Variants in PCDH7 observed in about 807,000 individuals in gnomAD.
PCDH7 encodes the protein protocadherin-7.
A neutral mutation model predicts 58.9 loss-of-function variants in PCDH7; 17 were observed. The ratio of observed to expected loss-of-function variants is 0.29; its 90% CI spans 0.20 to 0.43. The LOEUF (loss-of-function observed/expected upper bound fraction) is 0.43, where lower values mean the gene tolerates loss of function less well. Ranked by LOEUF, PCDH7 falls within the 20% of genes least tolerant of loss-of-function variation. The pLI, the probability that PCDH7 is intolerant of heterozygous loss-of-function variation, is 1.00. For missense variants in PCDH7, 1,274 were observed against 1,441.0 expected, an observed-to-expected ratio of 0.88 and a Z score of 1.88; for synonymous variants, 664 against 616.4, an observed-to-expected ratio of 1.08 and a Z score of -1.14.
At chr4:30,750,026 T>C (rs908290971) in intron 1 of PCDH7, among the ~76,000 whole-genome samples, 3 of 152,140 alleles carry the variant, frequency 2.0e-5, no homozygotes, top group Non-Finnish European at 4.4e-5. Flanking sequence ...GGTATTTATA[T>C]CTAGTGGGTA....
chr4:31,121,384 G>A (rs561400999), intron 3 of PCDH7, among the ~76,000 whole-genome samples: 1 of 152,264 alleles, frequency 6.6e-6, no homozygotes, highest in South Asian at 2.1e-4. Context: ...TAACTGTAGA[G>A]ATACAAATTA....
chr4:31,023,352 C>T (rs1754179077), intron 3 of PCDH7, among the ~76,000 whole-genome samples: 1 of 152,144 alleles, frequency 6.6e-6, no homozygotes, highest in Non-Finnish European at 1.5e-5. Context: ...TTATATTTCA[C>T]TATCCCTATT....
rs752130916 is a variant in PCDH7, at chr4:30,722,538, G to T, written c.1116G>T (p.Arg372=). 7.4e-6 allele frequency: 12 copies of T among 1,612,114 alleles called. 1 individual carries two copies. Among genetic ancestry groups the T allele is most frequent in the East Asian group, 2.2e-5 (1 of 44,842 alleles). The change falls in exon 1 of 2, where the codon CGG becomes CGT. Residue 372 remains arginine, a synonymous_variant. Transcript: ENST00000361762. The surrounding 1 kb of genome is among the most constrained non-coding windows in gnomAD (Gnocchi z 7.6). ...CCGGCTGGCTCAGCGTCCTGCACCG[G>T]ATCGACCGCGAGGAGGTGAACCAGC...
chr4:31,048,911 G>T lies in PCDH7; in HGVS notation c.*8-93562G>T, dbSNP rs140943069. ...GACAAATTGCCCTTTGAGAATAAAA[G>T]TATAGTCAGGACAAAGACAAATATG... On this transcript the variant is annotated intron_variant, in intron 3 of 3. Transcript: ENST00000509759. Among the ~76,000 whole-genome samples the T allele has an allele frequency of 3.3e-5, 5 of 152,170 alleles. No homozygotes were observed. The East Asian group carries it at 5.8e-4, about 18-fold the overall frequency.
In PCDH7 at chr4:30,857,577, G is replaced by C. The variant is rs370538939; in HGVS notation, c.71-62576G>C. Among the ~76,000 whole-genome samples the C allele has an allele frequency of 4.6e-5, 7 of 152,088 alleles. No homozygotes were observed. In the East Asian group the frequency reaches 1.4e-3, roughly 29 times the overall value. ...TTCTGAGGATCTTAGTTCTTGGAAT[G>C]TTAGAATTGGAGCCCAGACTCCTCA... On this transcript the variant is annotated intron_variant, in intron 1 of 3. Coordinates refer to the PCDH7 transcript ENST00000509759.
chr4:31,039,222 T>C (rs928050116), intron 3 of PCDH7, among the ~76,000 whole-genome samples: 2 of 152,190 alleles, frequency 1.3e-5, no homozygotes, highest in African/African-American at 4.8e-5. Context: ...TTTGTGACAG[T>C]GTTAGGATAT....
At chr4:31,105,107 G>A (rs796164663) in intron 3 of PCDH7, among the ~76,000 whole-genome samples, 5 of 152,248 alleles carry the variant, frequency 3.3e-5, no homozygotes, top group African/African-American at 4.8e-5. Flanking sequence ...AAAGTTCCTC[G>A]TTGAAAATAT....
intron 1 of PCDH7, among the ~76,000 whole-genome samples, chr4:30,861,057 G>C (rs1290048624): frequency 6.6e-6 from 1 of 152,248 alleles, no homozygotes; most frequent in South Asian, 2.1e-4. Context: ...TAGCTACTTG[G>C]CAATTAAGAA....
At chr4:30,725,321 G>T in intron 1 of PCDH7, 1 of 985,360 alleles carries the variant, frequency 1.0e-6, no homozygotes. Flanking sequence ...AAAATACATT[G>T]CATGAGCCAT....
downstream of PCDH7, among the ~76,000 whole-genome samples, chr4:30,736,576 C>A (rs1255270626): frequency 2.0e-5 from 3 of 148,770 alleles, no homozygotes; most frequent in Non-Finnish European, 3.0e-5. Context: ...CGCTCTGCCG[C>A]CGGGGCTGGA....
intron 1 of PCDH7, among the ~76,000 whole-genome samples, chr4:30,799,562 T>C (rs954829706): frequency 3.9e-5 from 6 of 152,334 alleles, no homozygotes; most frequent in African/African-American, 1.2e-4. Flanking sequence ...ATGTACTTTA[T>C]CATGTACTTT....
chr4:30,926,648 G>A (rs1743914355), intron 2 of PCDH7, among the ~76,000 whole-genome samples: 1 of 152,102 alleles, frequency 6.6e-6, no homozygotes, highest in African/African-American at 2.4e-5. Context: ...CCATAGGGTA[G>A]TACTCATGAC....
intron 3 of PCDH7, among the ~76,000 whole-genome samples, chr4:31,031,657 AC>A (rs1754926686): frequency 6.6e-6 from 1 of 151,960 alleles, no homozygotes; most frequent in Non-Finnish European, 1.5e-5. Context: ...AAAGAAAAAA[AC>A]TTTTATTATT....
chr4:30,992,954 A>G (rs1337171599), intron 3 of PCDH7, among the ~76,000 whole-genome samples: 1 of 151,910 alleles, frequency 6.6e-6, no homozygotes, highest in East Asian at 1.9e-4. Flanking sequence ...GCCCACCACC[A>G]TGCCTGGCTA....
intron 1 of PCDH7, among the ~76,000 whole-genome samples, chr4:30,857,338 A>G (rs549090636): frequency 6.6e-6 from 1 of 152,236 alleles, no homozygotes; most frequent in Admixed American, 6.5e-5. Context: ...ATTGAGGGTG[A>G]CATAGAGAAG....
intron 1 of PCDH7, among the ~76,000 whole-genome samples, chr4:30,905,945 G>A (rs890205130): frequency 6.6e-6 from 1 of 152,176 alleles, no homozygotes; most frequent in Admixed American, 6.5e-5. Context: ...AATCACAGAA[G>A]AGATGGTTTC....
chr4:31,087,767 C>T (rs1400152384), intron 3 of PCDH7, among the ~76,000 whole-genome samples: 1 of 152,018 alleles, frequency 6.6e-6, no homozygotes, highest in Non-Finnish European at 1.5e-5. Context: ...AGACGAATTA[C>T]ATTAAAACAT....
At chr4:30,789,502 C>G (rs1214368143) in intron 1 of PCDH7, among the ~76,000 whole-genome samples, 2 of 152,170 alleles carry the variant, frequency 1.3e-5, no homozygotes, top group East Asian at 3.9e-4. Context: ...TGCAAAGTGC[C>G]TCACACAGAA....
chr4:31,108,198 C>T (rs895862408), intron 3 of PCDH7, among the ~76,000 whole-genome samples: 5 of 151,520 alleles, frequency 3.3e-5, no homozygotes, highest in Admixed American at 2.6e-4. Context: ...CAACCTATTC[C>T]TCTGTCCTAC....
Sources: gnomAD v4.1 joint callset for allele counts (sites outside exome capture counted in the v4.1 genomes callset) on GRCh38, gnomAD v4.1.1 for gene constraint, Gnocchi (gnomAD v3.1) non-coding constraint, MANE v1.5 for transcripts, NCBI Gene and HGNC (gene_info 2026-07-23, HGNC 2026-07-21) for gene names.